SFI1: variants seen among roughly 807,000 people sequenced by gnomAD.
The protein encoded by SFI1 is protein SFI1 homolog.
SFI1 carries 195 observed loss-of-function variants against 207.5 expected under a neutral mutation model. The ratio of observed to expected loss-of-function variants is 0.94; its 90% CI spans 0.84 to 1.06. The LOEUF is 1.06. SFI1 is among the 50% of genes least tolerant of loss of function. The pLI is 0.00. For missense variants in SFI1, 1,634 were observed against 1,588.0 expected (o/e 1.03, Z -0.49); for synonymous variants, 630 against 598.9 (o/e 1.05, Z -0.76).
chr22:31,617,931 G>C (rs566077324), intron 31 of SFI1, among the ~76,000 whole-genome samples, 184 bp from the exon 32 acceptor site: 1 of 152,268 alleles, frequency 6.6e-6, no homozygotes, highest in Non-Finnish European at 1.5e-5. Flanking sequence ...AGGAGACTGG[G>C]AGAGGAAAAA....
intron 4 of SFI1, among the ~76,000 whole-genome samples, chr22:31,539,347 C>T (rs1471392596): frequency 1.3e-5 from 2 of 152,126 alleles, no homozygotes; most frequent in Non-Finnish European, 2.9e-5. Context: ...AAGTAAAAGC[C>T]CAGAGTCCTT....
At chr22:31,618,265 C>T (rs1188461158) in intron 32 of SFI1, 39 bp downstream of exon 32, 1 of 1,600,788 alleles carries the variant, frequency 6.2e-7, no homozygotes, top group East Asian at 2.3e-5. Context: ...CCTGGGGACG[C>T]CCCGGGCTGT....
chr22:31,573,977 G>A (rs2063216348), intron 9 of SFI1, among the ~76,000 whole-genome samples: 1 of 152,106 alleles, frequency 6.6e-6, no homozygotes, highest in Non-Finnish European at 1.5e-5. Context: ...TATTTGGATA[G>A]TTTCTGTTTG....
chr22:31,500,693 G>C (rs1185637913), intron 1 of SFI1, among the ~76,000 whole-genome samples: 1 of 152,146 alleles, frequency 6.6e-6, no homozygotes, highest in Non-Finnish European at 1.5e-5. Flanking sequence ...CTGATCTCAG[G>C]TGATTCTCCC....
At chr22:31,574,249 A>G (rs2063245463) in intron 9 of SFI1, among the ~76,000 whole-genome samples, 1 of 152,202 alleles carries the variant, frequency 6.6e-6, no homozygotes, top group Non-Finnish European at 1.5e-5. Flanking sequence ...GAGAGTTTGA[A>G]TATGTTCATT....
chr22:31,568,531 CAAAAA>C (rs60447566), intron 8 of SFI1, among the ~76,000 whole-genome samples: 4 of 37,432 alleles, frequency 1.1e-4, no homozygotes, highest in African/African-American at 3.1e-4. Context: ...GACCCTGTCT[CAAAAA>C]AAAAAAAAAA....
chr22:31,522,759 G>A (rs897477801), intron 2 of SFI1, among the ~76,000 whole-genome samples: 26 of 151,948 alleles, frequency 1.7e-4, no homozygotes, highest in Admixed American at 1.4e-3. Context: ...GTGTTTAAGC[G>A]ATTCTCTTGC....
chr22:31,585,089 T>G lies in SFI1; in HGVS notation c.1368T>G (p.Cys456Trp), dbSNP rs1356994884. Residue 456 changes from cysteine to tryptophan, a missense_variant, in exon 14 of 33, where the codon TGT becomes TGG. Physicochemically the swap from Cys to Trp is radical, Grantham distance 215 (BLOSUM62 -2). Coordinates refer to ENST00000400288, the MANE Select transcript of SFI1 (RefSeq NM_001007467.3). ...TCAGAATAGCACTGCTGTGCAAATG[T>G]ATCGAATTGTGGCTACAGTATACTC... ...DHYRIALLCK[C>W]IELWLQYTQK... is the part of the protein sequence containing the mutation. The G allele has an allele frequency of 1.1e-5, 17 of 1,614,088 alleles. No homozygotes were observed. Among genetic ancestry groups the G allele is most frequent in the Non-Finnish European group, 1.4e-5 (17 of 1,179,988 alleles).
chr22:31,577,861 A>C (rs1478239211), intron 10 of SFI1: 7 of 152,726 alleles, frequency 4.6e-5, no homozygotes, highest in African/African-American at 1.7e-4. Flanking sequence ...GTAAGGGACG[A>C]GTTGGATGAA....
rs950822517 is a variant in SFI1 at position 31,541,263 on chromosome 22, T to C, written c.339-5598T>C. Among the ~76,000 whole-genome samples, 9 of 152,288 alleles carry C rather than the reference T, an allele frequency of 5.9e-5. 1 individual carries two copies. Among genetic ancestry groups the C allele is most frequent in the African/African-American group, 2.2e-4 (9 of 41,576 alleles). On this transcript the variant is annotated intron_variant, in intron 4 of 32. Transcript: ENST00000400288. ...GTTCTCTCCTTTATCTGGTGATTCATCTGCCACTCTCTTGCCTAAAATTGA... is the reference window on the plus strand; with the variant it reads ...GTTCTCTCCTTTATCTGGTGATTCACCTGCCACTCTCTTGCCTAAAATTGA...
intron 10 of SFI1, among the ~76,000 whole-genome samples, chr22:31,576,379 G>C (rs2063507735): frequency 6.6e-6 from 1 of 151,640 alleles, no homozygotes; most frequent in Non-Finnish European, 1.5e-5. Context: ...GGATTGCAGT[G>C]GTGCCATCTC....
At chr22:31,571,841 T>C (rs1388539533) in intron 8 of SFI1, among the ~76,000 whole-genome samples, 1 of 152,198 alleles carries the variant, frequency 6.6e-6, no homozygotes, top group Non-Finnish European at 1.5e-5. Flanking sequence ...ATTGTTGCTA[T>C]TTTCATTTCC....
At chr22:31,568,962 G>A (rs1402282995) in intron 8 of SFI1, among the ~76,000 whole-genome samples, 7 of 152,264 alleles carry the variant, frequency 4.6e-5, no homozygotes, top group Admixed American at 4.6e-4. Flanking sequence ...CATCGGTCAT[G>A]ATTTTGGGTT....
intron 15 of SFI1, among the ~76,000 whole-genome samples, chr22:31,597,348 T>C (rs2067303797): frequency 6.6e-6 from 1 of 152,150 alleles, no homozygotes; most frequent in South Asian, 2.1e-4. Flanking sequence ...CTGATCTAGA[T>C]TTTTACCTGT....
intron 2 of SFI1, among the ~76,000 whole-genome samples, chr22:31,516,921 T>C (rs1409413015): frequency 1.3e-5 from 2 of 151,888 alleles, no homozygotes; most frequent in African/African-American, 2.4e-5. Flanking sequence ...GCCATTGCAC[T>C]CCAGCCTGGG....
At chr22:31,556,003 G>C (rs1255643846) in intron 6 of SFI1, among the ~76,000 whole-genome samples, 3 of 151,932 alleles carry the variant, frequency 2.0e-5, no homozygotes, top group African/African-American at 7.3e-5. Flanking sequence ...CTTATAAGTG[G>C]TAATTTACTT....
chr22:31,505,815 T>C (rs2054546629), intron 1 of SFI1, among the ~76,000 whole-genome samples: 1 of 151,956 alleles, frequency 6.6e-6, no homozygotes, highest in Non-Finnish European at 1.5e-5. Flanking sequence ...GCATGGGAGG[T>C]TGAGGCTGCA....
intron 15 of SFI1, among the ~76,000 whole-genome samples, chr22:31,601,128 CTTTTTTTTTT>C (rs11354377): frequency 1.4e-4 from 11 of 80,316 alleles, no homozygotes; most frequent in African/African-American, 4.5e-4. Flanking sequence ...CTTTTCTTTA[CTTTTTTTTTT>C]TTTTTTTTTT....
At chr22:31,557,299 C>G (rs911503636) in intron 7 of SFI1, among the ~76,000 whole-genome samples, 1 of 152,090 alleles carries the variant, frequency 6.6e-6, no homozygotes, top group Non-Finnish European at 1.5e-5. Flanking sequence ...CCACCTCAGC[C>G]TCCCAAGTAG....
Sources: allele counts gnomAD v4.1 joint callset (sites outside exome capture counted in the v4.1 genomes callset), GRCh38; gene constraint gnomAD v4.1.1; transcripts MANE v1.5; gene names NCBI Gene and HGNC (gene_info 2026-07-23, HGNC 2026-07-21).